The following ABCC1 variants were observed in gnomAD, a reference collection of about 807,000 sequenced individuals.
The protein encoded by ABCC1 is ATP binding cassette subfamily C member 1 (ABCC1 blood group).
ABCC1 carries 83 observed loss-of-function variants against 172.9 expected under a neutral mutation model. The observed-to-expected ratio is 0.48, with a 90% CI of 0.40 to 0.58. The LOEUF (loss-of-function observed/expected upper bound fraction) is 0.58, where lower values mean the gene tolerates loss of function less well. Among genes scored for constraint, ABCC1 ranks in the 20% least tolerant of loss-of-function variants. The pLI is 0.00. For missense variants in ABCC1, 1,817 were observed against 2,002.7 expected, an observed-to-expected ratio of 0.91 and a Z score of 1.77; for synonymous variants, 937 against 825.2, an observed-to-expected ratio of 1.14 and a Z score of -2.32.
intron 24 of ABCC1, among the ~76,000 whole-genome samples, chr16:16,123,254 C>T (rs1162033130): frequency 1.3e-5 from 2 of 152,172 alleles, no homozygotes; most frequent in African/African-American, 2.4e-5. Context: ...AAAAGATCAA[C>T]ACCCCATCTT....
chr16:16,004,112 T>C (rs1406005599), intron 1 of ABCC1, among the ~76,000 whole-genome samples: 1 of 152,046 alleles, frequency 6.6e-6, no homozygotes, highest in South Asian at 2.1e-4. Flanking sequence ...ATTCTCTGGC[T>C]ATGATAGGGA....
At chr16:16,053,759 A>T (rs2049525084) in intron 11 of ABCC1, among the ~76,000 whole-genome samples, 1 of 125,334 alleles carries the variant, frequency 8.0e-6, no homozygotes. Flanking sequence ...TGCACAACAG[A>T]GTGAGACCCT....
intron 2 of ABCC1, among the ~76,000 whole-genome samples, chr16:16,008,930 T>TG (rs2047661602): frequency 8.8e-6 from 1 of 114,088 alleles, no homozygotes; most frequent in Non-Finnish European, 2.1e-5. Context: ...CACTGTTTCC[T>TG]GTTTTTTTTT....
intron 1 of ABCC1, among the ~76,000 whole-genome samples, chr16:15,968,315 T>C (rs7198391): frequency 0.65 from 98,138 of 151,922 alleles, 32,446 homozygotes; most frequent in South Asian, 0.78. Flanking sequence ...ATTACCGGGG[T>C]GAGCCACCAT....
Position 16,076,454 on chromosome 16 carries a change from T to C in ABCC1, c.1988+53T>C, listed in dbSNP as rs892502101. The C allele has an allele frequency of 2.0e-6, 3 of 1,507,246 alleles. No individual in the cohort carries two copies. The African/African-American group carries it at 4.3e-5, about 21-fold the overall frequency. The allele number at this position is 1,507,246 out of a possible 1,614,324, so 93.4% of individuals were successfully genotyped here. ...GGTGTGGAGAGAGCCACAGGGCTTT[T>C]GTTAAACGTGGATTCGAATTCCCAC... On this transcript the variant is annotated intron_variant, in intron 15 of 30. Transcript: ENST00000399410.
In ABCC1 at chr16:16,029,943, C is replaced by G. The variant is rs1329704211; in HGVS notation, c.616-3166C>G. Among the ~76,000 whole-genome samples, 11 of 152,114 alleles carry G rather than the reference C, an allele frequency of 7.2e-5. 1 individual carries two copies. Among genetic ancestry groups the G allele is most frequent in the Admixed American group, 7.2e-4 (11 of 15,278 alleles). ...GTAATCCATTGTGTTTGTACAATGG[C>G]TCATTCTTCTATGATATCATTCTTT... is the stretch of plus-strand genomic sequence containing the variant. On this transcript the variant is annotated intron_variant, in intron 5 of 30. Coordinates refer to ENST00000399410, the MANE Select transcript of ABCC1 (RefSeq NM_004996.4).
chr16:15,957,460 T>C (rs148760137), intron 1 of ABCC1, among the ~76,000 whole-genome samples: 28 of 152,256 alleles, frequency 1.8e-4, no homozygotes, highest in African/African-American at 6.5e-4. Flanking sequence ...ACTCAGTGTC[T>C]CACACACAGT....
Position 16,079,405 on chromosome 16 carries a change from G to C in ABCC1, c.2042G>C (p.Gly681Ala). The C allele has an allele frequency of 6.2e-7, 1 of 1,614,032 alleles. No individual in the cohort carries two copies. Among genetic ancestry groups the C allele is most frequent in the Non-Finnish European group, 8.5e-7 (1 of 1,179,914 alleles). The change falls in exon 16 of 31, where the codon GGC becomes GCC. Residue 681 changes from glycine (G) to alanine (A), a missense_variant. Gly to Ala is a moderately conservative substitution (Grantham distance 60). This residue lies in a region of ABCC1 where 1,412 missense variants were observed against 1,600.3 expected (regional missense o/e 0.88). Coordinates refer to ENST00000399410, the MANE Select transcript of ABCC1 (RefSeq NM_004996.4). ...TTGGTGGCCGTGGTGGGCCAGGTGG[G>C]CTGCGGAAAGTCGTCCCTGCTCTCA... is the stretch of plus-strand genomic sequence containing the variant. ...GALVAVVGQV[G>A]CGKSSLLSAL... is the part of the protein sequence containing the mutation.
intron 12 of ABCC1, among the ~76,000 whole-genome samples, chr16:16,059,222 G>C (rs1260410862): frequency 6.6e-6 from 1 of 152,204 alleles, no homozygotes; most frequent in Non-Finnish European, 1.5e-5. Flanking sequence ...AATCTGAGTT[G>C]TAACTAGTTC....
Position 16,090,430 on chromosome 16 carries a change from T to G in ABCC1, c.2486T>G (p.Met829Arg). Residue 829 changes from methionine to arginine, a missense_variant, in exon 19 of 31, where the codon ATG becomes AGG. Coordinates refer to ENST00000399410, the MANE Select transcript of ABCC1 (RefSeq NM_004996.4). ...ACGCGGATCTTGGTCACGCACAGCA[T>G]GAGCTACTTGCCGCAGGTGGACGTC... ...NKTRILVTHS[M>R]SYLPQVDVII... 6.2e-7 allele frequency: 1 copy of G among 1,610,404 alleles called. No individual in the cohort carries two copies. Among genetic ancestry groups the G allele is most frequent in the Non-Finnish European group, 8.5e-7 (1 of 1,177,792 alleles).
chr16:16,122,305 G>C, intron 24 of ABCC1, 131 bp downstream of exon 24: 1 of 951,910 alleles, frequency 1.1e-6, no homozygotes, highest in Non-Finnish European at 1.6e-6. Context: ...AGGATGGAGA[G>C]GCTTGATGAG....
At chr16:16,047,909 G>A (rs1315392530) in intron 9 of ABCC1, among the ~76,000 whole-genome samples, 1 of 151,818 alleles carries the variant, frequency 6.6e-6, no homozygotes, top group Non-Finnish European at 1.5e-5. Context: ...GACACCTAGG[G>A]TCCCTTGCCA....
At chr16:16,125,363 C>A (rs1203748170) in intron 25 of ABCC1, among the ~76,000 whole-genome samples, 1 of 152,078 alleles carries the variant, frequency 6.6e-6, no homozygotes, top group Non-Finnish European at 1.5e-5. Context: ...GATGGCTATA[C>A]CTGGGGTTGC....
chr16:16,118,441 TTTTC>T (rs768285251), intron 23 of ABCC1, among the ~76,000 whole-genome samples: 3,382 of 142,056 alleles, frequency 0.024, 84 homozygotes, highest in Non-Finnish European at 0.041. Context: ...TTTTTTTTTT[TTTTC>T]CCCTGCATTT....
chr16:16,118,713 A>G lies in ABCC1; in HGVS notation c.3391-3262A>G, dbSNP rs564434695. The stretch of plus-strand genomic sequence containing the variant: ...ACCAAGTTCTAGGTGCACTGTCGTT[A>G]TCACCGAGATGAAATGCATAATGTG... On this transcript the variant is annotated intron_variant, in intron 23 of 30. Transcript: ENST00000399410. 2.0e-4 allele frequency among the ~76,000 whole-genome samples: 31 copies of G among 152,154 alleles called. 2 individuals carry two copies. The South Asian group carries it at 5.8e-3, about 29-fold the overall frequency.
At chr16:16,004,656 A>C (rs968858459) in intron 1 of ABCC1, among the ~76,000 whole-genome samples, 58 of 104,640 alleles carry the variant, frequency 5.5e-4, no homozygotes, top group African/African-American at 1.9e-3. Flanking sequence ...TGTAAGGTTT[A>C]CTTTTTTTTT....
At chr16:16,104,217 T>A (rs2051947178) in intron 20 of ABCC1, among the ~76,000 whole-genome samples, 1 of 152,162 alleles carries the variant, frequency 6.6e-6, no homozygotes, top group African/African-American at 2.4e-5. Context: ...TTTGGAAGGG[T>A]ACCCCAGTAG....
intron 5 of ABCC1, among the ~76,000 whole-genome samples, chr16:16,018,338 C>G (rs1205522438): frequency 1.3e-5 from 2 of 152,082 alleles, no homozygotes; most frequent in Non-Finnish European, 2.9e-5. Context: ...CAGTTGAGTT[C>G]AGGAGTTCGA....
rs567443607 is a variant in ABCC1 at position 15,967,368 on chromosome 16, C to T, written c.48+17569C>T. Among the ~76,000 whole-genome samples the T allele has an allele frequency of 2.6e-5, 4 of 152,060 alleles. No homozygotes were observed. The East Asian group carries it at 7.7e-4, about 29-fold the overall frequency. ...GCCAGGTCTGGGTGAGTCTCTTGGACAAGATGGGTATCAGGTTTCAGCTCT... is the reference window on the plus strand; with the variant it reads ...GCCAGGTCTGGGTGAGTCTCTTGGATAAGATGGGTATCAGGTTTCAGCTCT... On this transcript the variant is annotated intron_variant, in intron 1 of 30. Coordinates refer to ENST00000399410, the MANE Select transcript of ABCC1 (RefSeq NM_004996.4).
Sources: gnomAD v4.1 joint callset for allele counts (sites outside exome capture counted in the v4.1 genomes callset) on GRCh38, gnomAD v4.1.1 for gene constraint, gnomAD v4.1.1 regional missense constraint, MANE v1.5 for transcripts, NCBI Gene and HGNC (gene_info 2026-07-23, HGNC 2026-07-21) for gene names.